The following SAMMSON variants were observed in gnomAD, a reference collection of about 807,000 sequenced individuals.
The protein encoded by SAMMSON is survival associated mitochondrial melanoma specific oncogenic non-coding RNA, also known as long intergenic non-protein coding RNA 1212.
intron 2 of SAMMSON, chr3:70,013,518 A>G (rs1033580531): frequency 2.0e-5 from 3 of 151,972 alleles, no homozygotes; most frequent in Admixed American, 6.6e-5. Context: ...TCTTTCTTTC[A>G]GGGTAGTAAG....
chr3:70,407,177 A>G (rs1011012368), intron 2 of SAMMSON, among the ~76,000 whole-genome samples: 2 of 152,142 alleles, frequency 1.3e-5, no homozygotes, highest in African/African-American at 4.8e-5. Context: ...CCCACAACAC[A>G]TGGGAATTAT....
intron 4 of SAMMSON, among the ~76,000 whole-genome samples, chr3:70,224,563 G>T (rs978098677): frequency 6.6e-6 from 1 of 152,086 alleles, no homozygotes; most frequent in Admixed American, 6.6e-5. Context: ...TATAATTTCC[G>T]CAATGCTCAC....
chr3:70,065,218 CT>C (rs1288521418), intron 3 of SAMMSON: 1 of 152,026 alleles, frequency 6.6e-6, no homozygotes, highest in Admixed American at 6.5e-5. Context: ...AAAGAGGTCA[CT>C]GGTCTTTCCT....
chr3:70,211,544 TC>T lies in SAMMSON; in HGVS notation n.508-37560del, dbSNP rs1701348891. 3.5e-5 allele frequency among the ~76,000 whole-genome samples: 2 copies of T among 57,464 alleles called. 1 individual carries two copies. The highest frequency in any genetic ancestry group is 7.1e-5 in the Non-Finnish European group (2 of 28,154). 37.7% of individuals were successfully genotyped at this position (57,464 alleles called of 152,430 possible). On this transcript the variant is annotated intron_variant and non_coding_transcript_variant, in intron 4 of 9. Transcript: ENST00000642114. ...CCTTCCCTTCCCTTTGCCCTTCCCT[TC>T]CCTTCCCTTCCCTTTGCCCTTCCCT...
chr3:70,312,041 A>G (rs1702459364), intron 7 of SAMMSON: 5 of 396,312 alleles, frequency 1.3e-5, no homozygotes, highest in Middle Eastern at 6.4e-4. Context: ...ATCGAGTTTT[A>G]TATTTAGAAA....
chr3:70,038,117 G>A (rs531306082), intron 3 of SAMMSON, among the ~76,000 whole-genome samples: 2 of 152,212 alleles, frequency 1.3e-5, no homozygotes, highest in Admixed American at 6.6e-5. Flanking sequence ...GTATTGCCAC[G>A]GTTTGGATAT....
At chr3:70,249,498 C>G (rs1392889469) in intron 5 of SAMMSON, 1 of 152,152 alleles carries the variant, frequency 6.6e-6, no homozygotes. Flanking sequence ...TCCCTCACAT[C>G]TTTCTCTTTC....
At chr3:70,077,839 C>G (rs570590962) in intron 4 of SAMMSON, among the ~76,000 whole-genome samples, 1 of 152,220 alleles carries the variant, frequency 6.6e-6, no homozygotes, top group African/African-American at 2.4e-5. Flanking sequence ...GGCATTGGTT[C>G]CCTAGAGACA....
chr3:70,077,971 T>G (rs140025775), intron 4 of SAMMSON, among the ~76,000 whole-genome samples: 171 of 152,298 alleles, frequency 1.1e-3, no homozygotes, highest in Middle Eastern at 3.4e-3. Context: ...CTGCAACCAC[T>G]CTTGGCATTC....
At chr3:70,085,305 A>C (rs1416233624) in intron 4 of SAMMSON, among the ~76,000 whole-genome samples, 1 of 152,196 alleles carries the variant, frequency 6.6e-6, no homozygotes, top group African/African-American at 2.4e-5. Context: ...TCACTGAATA[A>C]ACATGCGAGA....
chr3:70,080,100 G>T lies in SAMMSON; in HGVS notation n.507+8535G>T, dbSNP rs183844834. 1.5e-3 allele frequency among the ~76,000 whole-genome samples: 227 copies of T among 152,248 alleles called. 2 individuals carry two copies. Among genetic ancestry groups the T allele is most frequent in the Middle Eastern group, 0.01 (3 of 294 alleles). ...TCTGGCTTCACTTTTTTCATTACAG[G>T]TTTGTTCTAAAGAATTAAGTCCAGG... is the stretch of plus-strand genomic sequence containing the variant. On this transcript the variant is annotated intron_variant and non_coding_transcript_variant, in intron 4 of 9. Coordinates refer to ENST00000642114, the Ensembl canonical transcript of SAMMSON.
At chr3:69,999,676 C>T (rs1017159257), upstream of SAMMSON, 3 of 152,390 alleles carry the variant, frequency 2.0e-5, no homozygotes, top group African/African-American at 4.8e-5. Context: ...CAAGCCTACC[C>T]TTGCCGGCCA....
At position 70,346,633 on chromosome 3, in the gene SAMMSON, A is replaced by G. The variant is rs191308998; in HGVS notation, n.740-7542A>G. Among the ~76,000 whole-genome samples the G allele has an allele frequency of 6.6e-5, 10 of 152,248 alleles. No homozygotes were observed. The East Asian group carries it at 1.9e-3, about 29-fold the overall frequency. On this transcript the variant is annotated intron_variant and non_coding_transcript_variant, in intron 7 of 9. Transcript: ENST00000642114. ...ACAGAAATACCTAAAGAGAAAATGA[A>G]AGCTTAGGGAAGATGTTCTAACTCT... is the stretch of plus-strand genomic sequence containing the variant.
chr3:70,413,687 G>A (rs1443741885), intron 2 of SAMMSON, among the ~76,000 whole-genome samples: 4 of 152,020 alleles, frequency 2.6e-5, no homozygotes, highest in African/African-American at 9.7e-5. Context: ...TGCTTGCTAT[G>A]CATATTCTAT....
intron 6 of SAMMSON, among the ~76,000 whole-genome samples, chr3:70,290,525 C>T (rs1019204719): frequency 1.3e-5 from 2 of 152,202 alleles, no homozygotes; most frequent in African/African-American, 4.8e-5. Flanking sequence ...TTGTCTGTGC[C>T]CTGCCCCCAG....
At chr3:70,180,435 G>A (rs1374782317) in intron 4 of SAMMSON, among the ~76,000 whole-genome samples, 3 of 151,938 alleles carry the variant, frequency 2.0e-5, no homozygotes, top group Non-Finnish European at 4.4e-5. Flanking sequence ...TTACACGTAT[G>A]TTGCATATAT....
At chr3:70,124,323 G>T (rs1375917982) in intron 4 of SAMMSON, among the ~76,000 whole-genome samples, 1 of 152,144 alleles carries the variant, frequency 6.6e-6, no homozygotes, top group African/African-American at 2.4e-5. Context: ...ATGAACTAAT[G>T]AATAAACTTA....
downstream of SAMMSON, among the ~76,000 whole-genome samples, chr3:70,391,203 T>A (rs1192815761): frequency 6.6e-6 from 1 of 152,154 alleles, no homozygotes; most frequent in Admixed American, 6.6e-5. Context: ...AAAACTAGTT[T>A]AGAAAAGCAA....
At chr3:70,114,548 T>C (rs982402847) in intron 4 of SAMMSON, among the ~76,000 whole-genome samples, 1 of 152,252 alleles carries the variant, frequency 6.6e-6, no homozygotes, top group Non-Finnish European at 1.5e-5. Context: ...TATGCTAAAG[T>C]AGGGTAGAAA....
Sources: allele counts gnomAD v4.1 joint callset (sites outside exome capture counted in the v4.1 genomes callset), GRCh38; gene constraint gnomAD v4.1.1; transcripts MANE v1.5; gene names NCBI Gene and HGNC (gene_info 2026-07-23, HGNC 2026-07-21).